The following PIEZO2 variants were observed in gnomAD, a reference collection of about 807,000 sequenced individuals.
The protein encoded by PIEZO2 is piezo-type mechanosensitive ion channel component 2.
Under a neutral mutation model 337.3 loss-of-function variants are expected in PIEZO2, and 172 were observed. The observed-to-expected ratio is 0.51, with a 90% CI of 0.45 to 0.58. PIEZO2 has a LOEUF of 0.58. Among genes scored for constraint, PIEZO2 ranks in the 20% least tolerant of loss-of-function variants. The pLI, the probability that PIEZO2 is intolerant of heterozygous loss-of-function variation, is 0.00. For synonymous variants in PIEZO2, 1,251 were observed against 1,228.5 expected (o/e 1.02, Z -0.38); for missense variants, 3,028 against 3,391.3 (o/e 0.89, Z 2.66).
chr18:10,827,068 G>A (rs2040696799), intron 7 of PIEZO2, among the ~76,000 whole-genome samples: 1 of 152,126 alleles, frequency 6.6e-6, no homozygotes, highest in African/African-American at 2.4e-5. Context: ...ATAGAAAATA[G>A]ATATATATTT....
At chr18:11,100,803 G>A (rs1298580034) in intron 1 of PIEZO2, among the ~76,000 whole-genome samples, 2 of 152,154 alleles carry the variant, frequency 1.3e-5, no homozygotes, top group East Asian at 3.9e-4. Context: ...CACCGTGTTA[G>A]CCAGGATGGT....
At chr18:10,760,631 A>G (rs1430051585) in intron 24 of PIEZO2, among the ~76,000 whole-genome samples, 1 of 152,200 alleles carries the variant, frequency 6.6e-6, no homozygotes, top group Non-Finnish European at 1.5e-5. Flanking sequence ...ATTCTTAATA[A>G]GAAACCTGTT....
At chr18:10,798,606 T>C (rs2039694460) in intron 11 of PIEZO2, among the ~76,000 whole-genome samples, 2 of 152,242 alleles carry the variant, frequency 1.3e-5, no homozygotes, top group South Asian at 2.1e-4. Context: ...ATTTTTAAAA[T>C]CTTTCCAGCT....
At chr18:10,946,716 T>G (rs2145286075) in intron 3 of PIEZO2, among the ~76,000 whole-genome samples, 1 of 152,340 alleles carries the variant, frequency 6.6e-6, no homozygotes, top group African/African-American at 2.4e-5. Context: ...GCCCTCATAC[T>G]GAACCTCAAT....
At chr18:10,883,816 CTT>C (rs71169957) in intron 4 of PIEZO2, among the ~76,000 whole-genome samples, 3 of 122,818 alleles carry the variant, frequency 2.4e-5, no homozygotes, top group African/African-American at 3.4e-5. Flanking sequence ...AGTCCTACTT[CTT>C]TTTTTTTTTT....
rs553461788 is a variant in PIEZO2 at position 10,943,863 on chromosome 18, G to C, written c.287-32635C>G. ...CATGGGAGCAAGTCTTTCCAGTGCT[G>C]TTCTCATGATAGTGAATGGGTCTCA... On this transcript the variant is annotated intron_variant, in intron 3 of 55. Coordinates refer to ENST00000674853, the MANE Select transcript of PIEZO2 (RefSeq NM_001378183.1). This position sits in a 1 kb window ranked among gnomAD's most constrained non-coding sequence, Gnocchi z 4.5. Among the ~76,000 whole-genome samples the C allele has an allele frequency of 4.6e-5, 7 of 152,174 alleles. No homozygotes were observed. The highest frequency in any genetic ancestry group is 8.8e-5 in the Non-Finnish European group (6 of 68,036).
intron 3 of PIEZO2, among the ~76,000 whole-genome samples, chr18:10,949,886 G>A (rs755326469): frequency 6.6e-6 from 1 of 152,142 alleles, no homozygotes; most frequent in Non-Finnish European, 1.5e-5. Context: ...TAAGCAGAAG[G>A]CAGCCTCCTC....
Position 10,746,678 on chromosome 18 carries a change from A to G in PIEZO2, c.4424+1793T>C, listed in dbSNP as rs538180845. ...GATTGAGTGGGAAAGCAGAGCCCTCATGAATGGGATTACTATCTTTATAAA... is the reference window on the plus strand; with the variant it reads ...GATTGAGTGGGAAAGCAGAGCCCTCGTGAATGGGATTACTATCTTTATAAA... On this transcript the variant is annotated intron_variant, in intron 30 of 55. Transcript: ENST00000674853. This position sits in a 1 kb window ranked among gnomAD's most constrained non-coding sequence, Gnocchi z 4.2. Among the ~76,000 whole-genome samples, 509 of 152,310 alleles carry G rather than the reference A, an allele frequency of 3.3e-3. 3 individuals are homozygous for G. The highest frequency in any genetic ancestry group is 0.012 in the African/African-American group (494 of 41,560).
At chr18:10,698,730 T>C (rs2035206757) in intron 44 of PIEZO2, among the ~76,000 whole-genome samples, 195 bp downstream of exon 44, 1 of 152,152 alleles carries the variant, frequency 6.6e-6, no homozygotes, top group Admixed American at 6.5e-5. Flanking sequence ...TAAGGTGTTT[T>C]GGGTAATGGG....
chr18:10,760,058 A>G, intron 24 of PIEZO2, 149 bp from the exon 25 acceptor site: 1 of 718,684 alleles, frequency 1.4e-6, no homozygotes, highest in Non-Finnish European at 2.3e-6. Flanking sequence ...TGCTCTTTTG[A>G]GTGTCTCAGC....
chr18:10,812,667 T>A (rs1297123542), intron 7 of PIEZO2, among the ~76,000 whole-genome samples: 1 of 152,096 alleles, frequency 6.6e-6, no homozygotes, highest in East Asian at 1.9e-4. Context: ...GGGGCCTCCA[T>A]GGACTCATTA....
At chr18:10,719,793 T>C (rs2036179666) in intron 36 of PIEZO2, among the ~76,000 whole-genome samples, 1 of 152,186 alleles carries the variant, frequency 6.6e-6, no homozygotes, top group Admixed American at 6.5e-5. Context: ...GAGGTTTTAA[T>C]TTTATTTATT....
At position 10,705,823 on chromosome 18, in the gene PIEZO2, A is replaced by T. The variant is rs1201708068; in HGVS notation, c.5589-77T>A. 3 of 1,418,462 alleles carry T rather than the reference A, an allele frequency of 2.1e-6. No homozygotes were observed. In the East Asian group the frequency reaches 7.6e-5, roughly 36 times the overall value. The allele number at this position is 1,418,462 out of a possible 1,614,324, so 87.9% of individuals were successfully genotyped here. ...TGGGGTTCTTTCCCATTCCTGAGAG[A>T]CCTCATCAGAACTCCTAAGGAAATG... On this transcript the variant is annotated intron_variant, in intron 40 of 55. Transcript: ENST00000674853.
chr18:10,687,533 G>A (rs2034601749), intron 49 of PIEZO2, among the ~76,000 whole-genome samples: 1 of 152,090 alleles, frequency 6.6e-6, no homozygotes, highest in Non-Finnish European at 1.5e-5. Context: ...AAAAATAAAG[G>A]CTTCAAATTC....
In PIEZO2 at chr18:10,942,290, G is replaced by A. The variant is rs1234739892; in HGVS notation, c.287-31062C>T. The stretch of plus-strand genomic sequence containing the variant: ...AGGTTGGAACAGCTTAGAGGGCTCA[G>A]AAGAAGACAGGAATATGTGGGAAAG... On this transcript the variant is annotated intron_variant, in intron 3 of 55. Coordinates refer to ENST00000674853, the MANE Select transcript of PIEZO2 (RefSeq NM_001378183.1). The surrounding 1 kb of genome is among the most constrained non-coding windows in gnomAD (Gnocchi z 4.4). Among the ~76,000 whole-genome samples, 1 of 152,182 alleles carries A rather than the reference G, an allele frequency of 6.6e-6. No individual in the cohort carries two copies. The highest frequency in any genetic ancestry group is 1.9e-4 in the East Asian group (1 of 5,192).
At chr18:10,811,990 C>A (rs4360995) in intron 7 of PIEZO2, among the ~76,000 whole-genome samples, 3 of 151,962 alleles carry the variant, frequency 2.0e-5, no homozygotes, top group Non-Finnish European at 4.4e-5. Context: ...CCCGCCACCA[C>A]GCCCGGCTAA....
At chr18:10,949,481 A>T (rs898870005) in intron 3 of PIEZO2, among the ~76,000 whole-genome samples, 1 of 131,758 alleles carries the variant, frequency 7.6e-6, no homozygotes. Context: ...GAGAGCTCCA[A>T]GAACCTGGAT....
At chr18:10,948,459 T>C (rs2145297665) in intron 3 of PIEZO2, among the ~76,000 whole-genome samples, 1 of 152,342 alleles carries the variant, frequency 6.6e-6, no homozygotes, top group East Asian at 1.9e-4. Flanking sequence ...ATAACCCTAA[T>C]GAAATTTGAC....
At chr18:10,714,741 C>A (rs2035946265) in intron 39 of PIEZO2, 23 bp downstream of exon 39, 1 of 1,534,948 alleles carries the variant, frequency 6.5e-7, no homozygotes, top group East Asian at 2.4e-5. Flanking sequence ...CAAAAGTAAA[C>A]CCATTGTTAG....
Sources: allele counts gnomAD v4.1 joint callset (sites outside exome capture counted in the v4.1 genomes callset), GRCh38; gene constraint gnomAD v4.1.1; non-coding constraint Gnocchi (gnomAD v3.1); transcripts MANE v1.5; gene names NCBI Gene and HGNC (gene_info 2026-07-23, HGNC 2026-07-21).